The following GLIS3 variants were observed in gnomAD, a reference collection of about 807,000 sequenced individuals.
GLIS3 encodes zinc finger protein GLIS3.
In GLIS3, 53 loss-of-function variants were observed where a neutral mutation model predicts 78.6. That is an observed-to-expected ratio of 0.67 (90% CI 0.54 to 0.85). The LOEUF (loss-of-function observed/expected upper bound fraction) is 0.85. Ranked by LOEUF, GLIS3 falls within the 40% of genes least tolerant of loss-of-function variation. The pLI is 0.00. For missense variants in GLIS3, 1,703 were observed against 1,231.1 expected (o/e 1.38, Z -5.74); for synonymous variants, 684 against 509.9 (o/e 1.34, Z -4.60).
chr9:4,024,481 C>A (rs552390955), intron 4 of GLIS3, among the ~76,000 whole-genome samples: 2 of 152,110 alleles, frequency 1.3e-5, no homozygotes, highest in Non-Finnish European at 2.9e-5. Context: ...TGGGGCTGCT[C>A]CATGTGGCCA....
the GLIS3 span, among the ~76,000 whole-genome samples, chr9:4,414,690 T>A: frequency 1.3e-5 from 2 of 152,118 alleles, no homozygotes; most frequent in Non-Finnish European, 2.9e-5. Flanking sequence ...TCCTAGCCCA[T>A]CTGTGCACCT....
intron 4 of GLIS3, among the ~76,000 whole-genome samples, chr9:4,009,605 C>T (rs1161534906): frequency 6.6e-6 from 1 of 152,184 alleles, no homozygotes; most frequent in Non-Finnish European, 1.5e-5. Context: ...AAAGGTTGTT[C>T]TAATGCTCCC....
chr9:4,418,964 G>T, the GLIS3 span, among the ~76,000 whole-genome samples: 2 of 152,168 alleles, frequency 1.3e-5, no homozygotes, highest in Non-Finnish European at 1.5e-5. Flanking sequence ...TCAAGATAAG[G>T]CTAGAGATGG....
chr9:4,273,608 TAAA>T (rs1563876219), intron 2 of GLIS3, among the ~76,000 whole-genome samples: 2 of 93,512 alleles, frequency 2.1e-5, no homozygotes, highest in Non-Finnish European at 5.1e-5. Context: ...AATAAATAAA[TAAA>T]TAAATAAATA....
chr9:4,400,161 TC>T, the GLIS3 span, among the ~76,000 whole-genome samples: 1 of 152,170 alleles, frequency 6.6e-6, no homozygotes, highest in Non-Finnish European at 1.5e-5. Context: ...AGATGGCTCT[TC>T]CCCTATCGCT....
the GLIS3 span, among the ~76,000 whole-genome samples, chr9:4,404,300 A>G: frequency 6.6e-6 from 1 of 152,210 alleles, no homozygotes; most frequent in Non-Finnish European, 1.5e-5. Flanking sequence ...CACTTTCAGC[A>G]TTGCACAGAT....
chr9:4,340,631 AC>A (rs1817820851), intron 2 of GLIS3, among the ~76,000 whole-genome samples: 1 of 152,040 alleles, frequency 6.6e-6, no homozygotes, highest in South Asian at 2.1e-4. Context: ...GCTATTAACC[AC>A]CATGGACACT....
chr9:3,848,345 A>G (rs1284218217), intron 9 of GLIS3, among the ~76,000 whole-genome samples: 1 of 152,092 alleles, frequency 6.6e-6, no homozygotes, highest in Non-Finnish European at 1.5e-5. Context: ...TACTAAAAAT[A>G]CAAAAAATTA....
At chr9:4,228,090 C>G (rs906965620) in intron 2 of GLIS3, among the ~76,000 whole-genome samples, 6 of 150,510 alleles carry the variant, frequency 4.0e-5, no homozygotes, top group African/African-American at 1.5e-4. Context: ...AGGAGAATCA[C>G]ACAGTTATCA....
the GLIS3 span, among the ~76,000 whole-genome samples, chr9:4,453,360 A>AAG: frequency 6.6e-4 from 99 of 149,696 alleles, no homozygotes; most frequent in East Asian, 2.1e-3. Context: ...AAAAAAAAAA[A>AAG]AAAAGAAAAA....
rs1473578140 is a variant in GLIS3, at chr9:3,856,053, G to C, written c.2429C>G (p.Pro810Arg). ...TGGTTGAAAAGAAGAGTTTGTTTCT[G>C]GCTGATAGGACTTCAGGTGTGAACC... is the stretch of plus-strand genomic sequence containing the variant. ...PSGSHLKSYQ[P>R]ETNSSFQPNG... The change falls in exon 9 of 11, where the codon CCA (proline) becomes CGA (arginine). Residue 810 changes from proline to arginine, a missense_variant. Transcript: ENST00000381971. 4 of 1,614,062 alleles carry C rather than the reference G, an allele frequency of 2.5e-6. No individual in the cohort carries two copies. In the Admixed American group the frequency reaches 5.0e-5, roughly 20 times the overall value.
the GLIS3 span, among the ~76,000 whole-genome samples, chr9:4,354,935 C>A: frequency 6.6e-6 from 1 of 151,790 alleles, no homozygotes; most frequent in Non-Finnish European, 1.5e-5. Flanking sequence ...GCTAACACGG[C>A]GAAACCCCAT....
At chr9:3,919,365 C>T (rs1824720621) in intron 6 of GLIS3, among the ~76,000 whole-genome samples, 1 of 152,102 alleles carries the variant, frequency 6.6e-6, no homozygotes, top group Non-Finnish European at 1.5e-5. Context: ...CGTCTCTGAA[C>T]CTGAGGTCTT....
chr9:3,903,985 A>G (rs1823494782), intron 6 of GLIS3, among the ~76,000 whole-genome samples: 1 of 152,178 alleles, frequency 6.6e-6, no homozygotes, highest in Non-Finnish European at 1.5e-5. Context: ...GTCACCCTGC[A>G]TTCCCCAATA....
At chr9:4,204,907 C>G (rs1819727668) in intron 2 of GLIS3, among the ~76,000 whole-genome samples, 1 of 136,772 alleles carries the variant, frequency 7.3e-6, no homozygotes, top group South Asian at 3.0e-4. Flanking sequence ...AAGCAAAGCT[C>G]CATCTCAAAA....
At chr9:4,185,169 T>C (rs58034050) in intron 2 of GLIS3, among the ~76,000 whole-genome samples, 3,373 of 152,322 alleles carry the variant, frequency 0.022, 135 homozygotes, top group African/African-American at 0.077. Flanking sequence ...ATTTGACTTT[T>C]TTAACACTTT....
In GLIS3 at chr9:4,073,092, T is replaced by C. The variant is rs117799831; in HGVS notation, c.1710+44676A>G. Among the ~76,000 whole-genome samples, 8 of 152,174 alleles carry C rather than the reference T, an allele frequency of 5.3e-5. No homozygotes were observed. The East Asian group carries it at 1.5e-3, about 29-fold the overall frequency. ...GGTAAAAATGGCTGCCAATCTCAAA[T>C]TGGAAAGCAGGCTTATAACCTTGCA... is the stretch of plus-strand genomic sequence containing the variant. On this transcript the variant is annotated intron_variant, in intron 4 of 10. Transcript: ENST00000381971.
chr9:4,368,125 A>C, the GLIS3 span, among the ~76,000 whole-genome samples: 1 of 152,220 alleles, frequency 6.6e-6, no homozygotes, highest in Non-Finnish European at 1.5e-5. Flanking sequence ...TCAAATAATG[A>C]ATAATCCTAA....
At chr9:4,436,425 A>C in the GLIS3 span, among the ~76,000 whole-genome samples, 1 of 152,146 alleles carries the variant, frequency 6.6e-6, no homozygotes, top group Non-Finnish European at 1.5e-5. Context: ...AAGTGAATTC[A>C]ATCTCTGTCT....
Sources: allele counts gnomAD v4.1 joint callset (sites outside exome capture counted in the v4.1 genomes callset), GRCh38; gene constraint gnomAD v4.1.1; transcripts MANE v1.5; gene names NCBI Gene and HGNC (gene_info 2026-07-23, HGNC 2026-07-21).